Variants in MTHFD1L observed in about 807,000 individuals in gnomAD.
MTHFD1L encodes the protein monofunctional C1-tetrahydrofolate synthase, mitochondrial.
Under a neutral mutation model 119.5 loss-of-function variants are expected in MTHFD1L, and 81 were observed. The observed-to-expected ratio is 0.68, with a 90% CI of 0.57 to 0.82. The LOEUF is 0.82. Ranked by LOEUF, MTHFD1L falls within the 40% of genes least tolerant of loss-of-function variation. MTHFD1L has a pLI of 0.00. For missense variants in MTHFD1L, 1,125 were observed against 1,253.4 expected (o/e 0.90, Z 1.55); for synonymous variants, 430 against 475.2 (o/e 0.90, Z 1.24).
intron 20 of MTHFD1L, among the ~76,000 whole-genome samples, chr6:150,991,935 G>T (rs1267280876): frequency 6.6e-6 from 1 of 152,152 alleles, no homozygotes; most frequent in Non-Finnish European, 1.5e-5. Flanking sequence ...AAAATAGTTC[G>T]CTAGTTCAGA....
intron 20 of MTHFD1L, among the ~76,000 whole-genome samples, chr6:150,975,194 A>G (rs1776386636): frequency 2.0e-5 from 3 of 152,182 alleles, no homozygotes. Flanking sequence ...ATATATTTTA[A>G]TGTCTAAAAA....
At chr6:151,036,834 C>A in intron 25 of MTHFD1L, 131 bp from the exon 26 acceptor site, 2 of 866,044 alleles carry the variant, frequency 2.3e-6, no homozygotes, top group Non-Finnish European at 1.9e-6. Context: ...CAAGTAGTAA[C>A]AAGCAGCTCC....
At chr6:151,029,266 C>CA (rs1785005930) in intron 24 of MTHFD1L, among the ~76,000 whole-genome samples, 1 of 149,254 alleles carries the variant, frequency 6.7e-6, no homozygotes, top group Admixed American at 6.7e-5. Flanking sequence ...ACTAAAAATA[C>CA]AAAAATTAGC....
At chr6:151,026,798 G>C (rs1354924570) in intron 24 of MTHFD1L, among the ~76,000 whole-genome samples, 1 of 111,436 alleles carries the variant, frequency 9.0e-6, no homozygotes, top group African/African-American at 3.3e-5. Context: ...TGCCTATTGA[G>C]ATTTTTCCTG....
At chr6:151,011,146 G>A (rs566424608) in intron 21 of MTHFD1L, among the ~76,000 whole-genome samples, 8 of 152,264 alleles carry the variant, frequency 5.3e-5, no homozygotes, top group Admixed American at 2.0e-4. Context: ...CCTAATACCC[G>A]ACACTTAAGC....
chr6:150,878,132 C>T (rs927990132), intron 4 of MTHFD1L, among the ~76,000 whole-genome samples: 6 of 152,200 alleles, frequency 3.9e-5, no homozygotes, highest in African/African-American at 1.4e-4. Flanking sequence ...GACCTTGGAC[C>T]ACAGATCCCT....
intron 24 of MTHFD1L, among the ~76,000 whole-genome samples, chr6:151,019,320 G>T (rs1783614255): frequency 6.7e-6 from 1 of 149,150 alleles, no homozygotes; most frequent in South Asian, 2.1e-4. Flanking sequence ...ACAAAGTGCG[G>T]CTCTTTTCAA....
intron 1 of MTHFD1L, among the ~76,000 whole-genome samples, chr6:150,874,191 C>G (rs1238379374): frequency 6.6e-6 from 1 of 152,170 alleles, no homozygotes; most frequent in African/African-American, 2.4e-5. Flanking sequence ...TGTAAACTTT[C>G]CCATATGGTC....
intron 26 of MTHFD1L, among the ~76,000 whole-genome samples, chr6:151,089,673 A>G (rs1292428223): frequency 6.6e-6 from 1 of 152,240 alleles, no homozygotes; most frequent in Non-Finnish European, 1.5e-5. Context: ...AGGCAGGAAA[A>G]TTACCTGGTA....
At chr6:150,998,995 A>AAAAAAAAAAATGTGTATATAT (rs986639098) in intron 20 of MTHFD1L, among the ~76,000 whole-genome samples, 1 of 143,586 alleles carries the variant, frequency 7.0e-6, no homozygotes, top group Non-Finnish European at 1.5e-5. Context: ...GTCTTAAAAA[A>AAAAAAAAAAATGTGTATATAT]ATATATATAC....
At chr6:150,955,923 G>T in intron 16 of MTHFD1L, 72 bp from the exon 17 acceptor site, 1 of 1,354,582 alleles carries the variant, frequency 7.4e-7, no homozygotes, top group South Asian at 1.2e-5. Flanking sequence ...CTGAGCATCA[G>T]AACAATGCCA....
chr6:150,957,435 C>CT (rs1205591751), intron 17 of MTHFD1L, among the ~76,000 whole-genome samples: 1 of 152,116 alleles, frequency 6.6e-6, no homozygotes. Flanking sequence ...AGTAGAAATC[C>CT]TTTTTGGATG....
Position 150,964,857 on chromosome 6 carries a change from G to A in MTHFD1L, c.1945-112G>A, listed in dbSNP as rs117559482. On this transcript the variant is annotated intron_variant, in intron 18 of 27. Transcript: ENST00000367321. ...GCAGCACTGTCCCCTGTGGCCCAGG[G>A]TTGCCTGTGGGGACGCCCACCCAAG... 8 of 883,116 alleles carry A rather than the reference G, an allele frequency of 9.1e-6. No homozygotes were observed. The African/African-American group carries it at 1.3e-4, about 15-fold the overall frequency. The allele number at this position is 883,116 out of a possible 1,614,324, so 54.7% of individuals were successfully genotyped here.
At chr6:150,933,163 G>A (rs959776799) in intron 11 of MTHFD1L, among the ~76,000 whole-genome samples, 3 of 152,124 alleles carry the variant, frequency 2.0e-5, no homozygotes, top group Non-Finnish European at 4.4e-5. Context: ...AGAATTGGAT[G>A]GTTAGCTGGA....
At chr6:150,932,115 T>A (rs1791140749) in intron 11 of MTHFD1L, among the ~76,000 whole-genome samples, 1 of 116,302 alleles carries the variant, frequency 8.6e-6, no homozygotes, top group South Asian at 3.0e-4. Flanking sequence ...TGAGCAGAGA[T>A]CACACCATTG....
At chr6:150,932,845 A>G (rs548244085) in intron 11 of MTHFD1L, among the ~76,000 whole-genome samples, 71 of 144,004 alleles carry the variant, frequency 4.9e-4, no homozygotes, top group Non-Finnish European at 8.2e-4. Context: ...GAAGGAAGGG[A>G]GAGAGAGTAA....
intron 20 of MTHFD1L, among the ~76,000 whole-genome samples, chr6:151,004,363 A>G (rs993708344): frequency 6.6e-6 from 1 of 152,172 alleles, no homozygotes; most frequent in Non-Finnish European, 1.5e-5. Flanking sequence ...TTATCGCTGC[A>G]GCTTTCTTTA....
At chr6:150,940,786 G>A (rs1184987023) in intron 13 of MTHFD1L, among the ~76,000 whole-genome samples, 2 of 151,994 alleles carry the variant, frequency 1.3e-5, no homozygotes, top group East Asian at 1.9e-4. Flanking sequence ...CACCATGTTG[G>A]TCAGGCCGGT....
rs1193906141 is a variant in MTHFD1L, at chr6:150,970,791, A to G, written c.2014-1156A>G. 2.0e-5 allele frequency among the ~76,000 whole-genome samples: 3 copies of G among 152,170 alleles called. No individual in the cohort carries two copies. In the East Asian group the frequency reaches 5.8e-4, roughly 29 times the overall value. On this transcript the variant is annotated intron_variant, in intron 19 of 27. Coordinates refer to ENST00000367321, the MANE Select transcript of MTHFD1L (RefSeq NM_015440.5). ...TATCTTATAGCTATATCCATGTTTG[A>G]GTGTGCAAGTGTGTGTGTACCTGTG...
Sources: gnomAD v4.1 joint callset for allele counts (sites outside exome capture counted in the v4.1 genomes callset) on GRCh38, gnomAD v4.1.1 for gene constraint, MANE v1.5 for transcripts, NCBI Gene and HGNC (gene_info 2026-07-23, HGNC 2026-07-21) for gene names.